EPHA6: variants seen among roughly 807,000 people sequenced by gnomAD.
EPHA6 encodes the protein EPH receptor A6, also known as ephrin type-A receptor 6.
Under a neutral mutation model 112.0 loss-of-function variants are expected in EPHA6, and 50 were observed. That is an observed-to-expected ratio of 0.45 (90% CI 0.36 to 0.56). The LOEUF is 0.56. Ranked by LOEUF, EPHA6 falls within the 20% of genes least tolerant of loss-of-function variation. The probability of loss-of-function intolerance (pLI) is 0.00; values close to 1 mark genes in which losing one functional copy is unlikely to be tolerated. For missense variants in EPHA6, 1,280 were observed against 1,417.4 expected, an observed-to-expected ratio of 0.90 and a Z score of 1.56; for synonymous variants, 529 against 490.7, an observed-to-expected ratio of 1.08 and a Z score of -1.03.
At chr3:97,395,491 C>A (rs1278612936) in intron 5 of EPHA6, among the ~76,000 whole-genome samples, 1 of 151,712 alleles carries the variant, frequency 6.6e-6, no homozygotes, top group Non-Finnish European at 1.5e-5. Context: ...TTTGATTATA[C>A]TGTCTCCTTC....
chr3:96,873,810 T>C (rs777469991), intron 2 of EPHA6, among the ~76,000 whole-genome samples: 2 of 152,160 alleles, frequency 1.3e-5, no homozygotes, highest in Non-Finnish European at 2.9e-5. Flanking sequence ...AATAACCATG[T>C]ACATTTCTGT....
At chr3:97,109,274 A>G (rs1251098685) in intron 3 of EPHA6, among the ~76,000 whole-genome samples, 1 of 152,136 alleles carries the variant, frequency 6.6e-6, no homozygotes, top group Non-Finnish European at 1.5e-5. Flanking sequence ...TGGACCTCTC[A>G]CAGTCTAACT....
chr3:97,609,177 C>G (rs916878557), intron 12 of EPHA6, among the ~76,000 whole-genome samples: 1 of 151,348 alleles, frequency 6.6e-6, no homozygotes, highest in East Asian at 1.9e-4. Context: ...AAGAAGACAT[C>G]AGGCAGTCAT....
chr3:97,688,743 A>G (rs1311119059), intron 14 of EPHA6, among the ~76,000 whole-genome samples: 1 of 152,082 alleles, frequency 6.6e-6, no homozygotes, highest in African/African-American at 2.4e-5. Context: ...AAGAACTAGA[A>G]AAAAAAGTAA....
At chr3:97,521,401 C>T (rs2092540533) in intron 10 of EPHA6, among the ~76,000 whole-genome samples, 1 of 152,014 alleles carries the variant, frequency 6.6e-6, no homozygotes, top group Non-Finnish European at 1.5e-5. Context: ...GTTTAATTGA[C>T]TCATAGTTCA....
chr3:97,611,037 A>T (rs1207693024), intron 13 of EPHA6, among the ~76,000 whole-genome samples, 183 bp downstream of exon 13: 1 of 151,646 alleles, frequency 6.6e-6, no homozygotes, highest in Non-Finnish European at 1.5e-5. Context: ...AGGGGGGAGG[A>T]TGTACACTCA....
chr3:97,745,129 T>C (rs1484674507), intron 16 of EPHA6, among the ~76,000 whole-genome samples: 1 of 151,998 alleles, frequency 6.6e-6, no homozygotes, highest in Admixed American at 6.6e-5. Context: ...ACAATGCACA[T>C]TAGAGCAGTG....
chr3:97,305,436 T>C (rs1390575869), intron 5 of EPHA6, among the ~76,000 whole-genome samples: 1 of 152,006 alleles, frequency 6.6e-6, no homozygotes, highest in African/African-American at 2.4e-5. Context: ...ATTACAGCGC[T>C]ATTCACAATA....
chr3:97,699,082 T>A (rs561068747), intron 14 of EPHA6, among the ~76,000 whole-genome samples: 1 of 152,276 alleles, frequency 6.6e-6, no homozygotes, highest in Admixed American at 6.5e-5. Flanking sequence ...GAAGCATTAA[T>A]CACTGTAAAA....
intron 3 of EPHA6, among the ~76,000 whole-genome samples, chr3:97,096,275 C>CCACACACACA (rs58752429): frequency 2.7e-5 from 4 of 147,696 alleles, no homozygotes; most frequent in Non-Finnish European, 1.5e-5. Context: ...ACATACACAC[C>CCACACACACA]CACACACACA....
At chr3:97,286,830 A>AGTAT (rs1272402663) in intron 5 of EPHA6, among the ~76,000 whole-genome samples, 4 of 151,916 alleles carry the variant, frequency 2.6e-5, no homozygotes, top group Non-Finnish European at 4.4e-5. Context: ...TGCTTTCGGT[A>AGTAT]GTATGGTGAT....
intron 3 of EPHA6, among the ~76,000 whole-genome samples, chr3:97,115,894 A>C (rs2047873981): frequency 6.6e-6 from 1 of 151,844 alleles, no homozygotes; most frequent in Non-Finnish European, 1.5e-5. Flanking sequence ...GCACTTTTAA[A>C]CAAAATCACC....
intron 3 of EPHA6, among the ~76,000 whole-genome samples, 181 bp from the exon 4 acceptor site, chr3:97,226,083 G>A (rs758741507): frequency 3.9e-5 from 6 of 152,008 alleles, no homozygotes; most frequent in Non-Finnish European, 8.8e-5. Context: ...TTGCATTGTG[G>A]TTTTATTAAC....
At position 97,685,990 on chromosome 3, in the gene EPHA6, A is replaced by G. The variant is rs377704976; in HGVS notation, c.2785-34271A>G. 2.2e-4 allele frequency among the ~76,000 whole-genome samples: 34 copies of G among 152,298 alleles called. No individual in the cohort carries two copies. The South Asian group carries it at 2.7e-3, about 12-fold the overall frequency. On this transcript the variant is annotated intron_variant, in intron 14 of 17. Coordinates refer to ENST00000389672, the MANE Select transcript of EPHA6 (RefSeq NM_001080448.3). Reference sequence around the variant, plus strand: ...TGGAATGGCAAATGGCATTACACTAAGCATTATATTCTTGGTGAGAAATTA... The same window carrying G: ...TGGAATGGCAAATGGCATTACACTAGGCATTATATTCTTGGTGAGAAATTA...
At chr3:97,181,157 A>C (rs1021517865) in intron 3 of EPHA6, among the ~76,000 whole-genome samples, 1 of 151,998 alleles carries the variant, frequency 6.6e-6, no homozygotes, top group African/African-American at 2.4e-5. Context: ...ACAAGATAGC[A>C]CTGAGTACAT....
At chr3:96,979,188 C>G (rs1260320788) in intron 2 of EPHA6, among the ~76,000 whole-genome samples, 2 of 151,500 alleles carry the variant, frequency 1.3e-5, no homozygotes, top group Non-Finnish European at 2.9e-5. Flanking sequence ...GGGTATATCT[C>G]CTAATGCTTT....
chr3:97,305,805 C>A (rs919373595), intron 5 of EPHA6, among the ~76,000 whole-genome samples: 6 of 151,832 alleles, frequency 4.0e-5, no homozygotes, highest in African/African-American at 1.5e-4. Context: ...GTACAGCAAA[C>A]CATCATGGAA....
chr3:97,314,329 T>A (rs2081706888), intron 5 of EPHA6, among the ~76,000 whole-genome samples: 1 of 151,692 alleles, frequency 6.6e-6, no homozygotes, highest in South Asian at 2.1e-4. Flanking sequence ...TTGCTTAGGA[T>A]TGCTTTGGCT....
intron 3 of EPHA6, among the ~76,000 whole-genome samples, chr3:97,095,595 TG>T (rs1199436074): frequency 2.0e-5 from 3 of 151,954 alleles, no homozygotes; most frequent in Non-Finnish European, 4.4e-5. Flanking sequence ...GGTGGGCTAA[TG>T]GCTACTTAAA....
Sources: allele counts gnomAD v4.1 joint callset (sites outside exome capture counted in the v4.1 genomes callset), GRCh38; gene constraint gnomAD v4.1.1; transcripts MANE v1.5; gene names NCBI Gene and HGNC (gene_info 2026-07-23, HGNC 2026-07-21).